The following ITPR2 variants were observed in gnomAD, a reference collection of about 807,000 sequenced individuals.
The protein encoded by ITPR2 is inositol 1,4,5-trisphosphate receptor type 2.
ITPR2 carries 207 observed loss-of-function variants against 317.1 expected under a neutral mutation model. The observed-to-expected ratio is 0.65, with a 90% confidence interval of 0.58 to 0.73. ITPR2 has a LOEUF of 0.73. ITPR2 is among the 30% of genes least tolerant of loss of function. The pLI, the probability that ITPR2 is intolerant of heterozygous loss-of-function variation, is 0.00. For synonymous variants in ITPR2, 1,156 were observed against 1,149.1 expected, an observed-to-expected ratio of 1.01 and a Z score of -0.12; for missense variants, 2,613 against 3,284.0, an observed-to-expected ratio of 0.80 and a Z score of 4.99.
intron 45 of ITPR2, among the ~76,000 whole-genome samples, chr12:26,462,401 A>T (rs1339641902): frequency 2.6e-5 from 4 of 152,158 alleles, no homozygotes; most frequent in Non-Finnish European, 5.9e-5. Context: ...AATAGTAGAG[A>T]TGTTGTTTCA....
In ITPR2 at chr12:26,402,732, C is replaced by T. The variant is rs116173357; in HGVS notation, c.7400-2474G>A. Among the ~76,000 whole-genome samples the T allele has an allele frequency of 5.5e-3, 845 of 152,308 alleles. 7 individuals carry two copies. The highest frequency in any genetic ancestry group is 0.016 in the African/African-American group (679 of 41,568). ...CCCTCAGTTAATAAGGTTCTACCTTCGTGAGATGCAGCCACTCTCAATATG... is the reference window on the plus strand; with the variant it reads ...CCCTCAGTTAATAAGGTTCTACCTTTGTGAGATGCAGCCACTCTCAATATG... On this transcript the variant is annotated intron_variant, in intron 52 of 56. Coordinates refer to ENST00000381340, the MANE Select transcript of ITPR2 (RefSeq NM_002223.4).
chr12:26,345,775 C>A (rs1938288938), intron 55 of ITPR2, among the ~76,000 whole-genome samples: 1 of 152,186 alleles, frequency 6.6e-6, no homozygotes. Flanking sequence ...CAGACTTTAA[C>A]CTAAGCCAGA....
At chr12:26,397,775 T>C (rs1940045643) in intron 54 of ITPR2, among the ~76,000 whole-genome samples, 1 of 152,092 alleles carries the variant, frequency 6.6e-6, no homozygotes, top group African/African-American at 2.4e-5. Flanking sequence ...TACAGTAACG[T>C]TGTAGTGAAC....
At chr12:26,716,696 T>C (rs1272627416) in intron 5 of ITPR2, among the ~76,000 whole-genome samples, 1 of 152,206 alleles carries the variant, frequency 6.6e-6, no homozygotes, top group Non-Finnish European at 1.5e-5. Context: ...ATGAGTAAAT[T>C]TGATCTTCCC....
chr12:26,679,057 A>G (rs1205733658), intron 13 of ITPR2, among the ~76,000 whole-genome samples: 1 of 152,230 alleles, frequency 6.6e-6, no homozygotes, highest in Non-Finnish European at 1.5e-5. Flanking sequence ...ATAACAGGCA[A>G]ATAAAAATTC....
At chr12:26,752,319 C>T (rs897961260) in intron 2 of ITPR2, among the ~76,000 whole-genome samples, 2 of 152,182 alleles carry the variant, frequency 1.3e-5, no homozygotes, top group African/African-American at 4.8e-5. Flanking sequence ...TACTGGGCTG[C>T]ATTCCAAGAT....
intron 2 of ITPR2, among the ~76,000 whole-genome samples, chr12:26,738,922 G>A (rs1565729551): frequency 6.6e-6 from 1 of 152,162 alleles, no homozygotes; most frequent in African/African-American, 2.4e-5. Context: ...GCAAAAGCAA[G>A]CACATTTCTA....
chr12:26,686,772 C>T (rs537266765), intron 10 of ITPR2, 140 bp from the exon 11 acceptor site: 1 of 731,318 alleles, frequency 1.4e-6, no homozygotes, highest in East Asian at 2.7e-5. Flanking sequence ...TCCAGAAACA[C>T]TAGCTCTAGC....
At chr12:26,518,107 A>G (rs546459410) in intron 37 of ITPR2, among the ~76,000 whole-genome samples, 1 of 152,228 alleles carries the variant, frequency 6.6e-6, no homozygotes, top group African/African-American at 2.4e-5. Context: ...TTGCACAGAC[A>G]TGGAATCAAC....
At chr12:26,524,404 T>G (rs1943752780) in intron 37 of ITPR2, among the ~76,000 whole-genome samples, 4 of 152,202 alleles carry the variant, frequency 2.6e-5, no homozygotes, top group Admixed American at 6.5e-5. Flanking sequence ...CTATGAAATA[T>G]TATGTACATC....
chr12:26,539,869 CT>C, intron 37 of ITPR2, among the ~76,000 whole-genome samples: 1 of 152,338 alleles, frequency 6.6e-6, no homozygotes, highest in Middle Eastern at 3.4e-3. Context: ...CTAGAATCTA[CT>C]TCTTGGATAG....
At position 26,430,658 on chromosome 12, in the gene ITPR2, C is replaced by A. The variant is rs1941181532; in HGVS notation, c.6770-2570G>T. ...AATACTTTATATATGTATCCATTTT[C>A]TATAATAAACATGATATTATTTTAA... On this transcript the variant is annotated intron_variant, in intron 48 of 56. Coordinates refer to ENST00000381340, the MANE Select transcript of ITPR2 (RefSeq NM_002223.4). Among the ~76,000 whole-genome samples the A allele has an allele frequency of 2.6e-5, 4 of 152,224 alleles. No homozygotes were observed. The South Asian group carries it at 8.3e-4, about 32-fold the overall frequency.
chr12:26,756,202 A>T (rs1190672536), intron 2 of ITPR2, among the ~76,000 whole-genome samples: 1 of 152,230 alleles, frequency 6.6e-6, no homozygotes, highest in Non-Finnish European at 1.5e-5. Context: ...GAACTATGGT[A>T]CATCTGTTAT....
chr12:26,661,444 C>T (rs1469546334), intron 15 of ITPR2, among the ~76,000 whole-genome samples: 1 of 152,046 alleles, frequency 6.6e-6, no homozygotes, highest in Non-Finnish European at 1.5e-5. Context: ...AGACATGTCG[C>T]CCAGGGAACC....
intron 2 of ITPR2, among the ~76,000 whole-genome samples, chr12:26,750,485 G>A (rs1949394951): frequency 1.3e-5 from 2 of 152,092 alleles, no homozygotes; most frequent in South Asian, 4.1e-4. Flanking sequence ...GAAGACATCT[G>A]CCCCCCAAAC....
chr12:26,662,290 T>A (rs1947521265), intron 15 of ITPR2, among the ~76,000 whole-genome samples: 1 of 152,198 alleles, frequency 6.6e-6, no homozygotes, highest in Non-Finnish European at 1.5e-5. Context: ...TCTTAAACTA[T>A]CACCTTGGAC....
intron 37 of ITPR2, among the ~76,000 whole-genome samples, chr12:26,537,309 G>C (rs968668434): frequency 6.6e-6 from 1 of 152,132 alleles, no homozygotes; most frequent in Non-Finnish European, 1.5e-5. Context: ...AAGAGGATGG[G>C]GGACTCTTTG....
intron 21 of ITPR2, among the ~76,000 whole-genome samples, chr12:26,640,348 A>G (rs1946956571): frequency 6.6e-6 from 1 of 152,126 alleles, no homozygotes; most frequent in Non-Finnish European, 1.5e-5. Flanking sequence ...CGTCCTAAAC[A>G]TTTATCCCAG....
At chr12:26,605,126 A>AAAAAAAAAATAT (rs1555165395) in intron 26 of ITPR2, among the ~76,000 whole-genome samples, 2 of 136,308 alleles carry the variant, frequency 1.5e-5, no homozygotes, top group Non-Finnish European at 1.6e-5. Context: ...AAAAAATAAA[A>AAAAAAAAAATAT]ATATATATAT....
Sources: gnomAD v4.1 joint callset for allele counts (sites outside exome capture counted in the v4.1 genomes callset) on GRCh38, gnomAD v4.1.1 for gene constraint, MANE v1.5 for transcripts, NCBI Gene and HGNC (gene_info 2026-07-23, HGNC 2026-07-21) for gene names.